Variants in CDH13 observed in about 807,000 individuals in gnomAD.
CDH13 encodes cadherin 13.
In CDH13, 24 loss-of-function variants were observed where a neutral mutation model predicts 63.8. The ratio of observed to expected loss-of-function variants is 0.38; its 90% CI spans 0.27 to 0.53. The LOEUF (loss-of-function observed/expected upper bound fraction) is 0.53, where lower values mean the gene tolerates loss of function less well. CDH13 is among the 20% of genes least tolerant of loss of function. CDH13 has a pLI of 0.85. For missense variants in CDH13, 1,049 were observed against 903.1 expected (o/e 1.16, Z -2.07); for synonymous variants, 503 against 355.3 (o/e 1.42, Z -4.67).
At chr16:82,981,751 A>T (rs1286640910) in intron 2 of CDH13, among the ~76,000 whole-genome samples, 5 of 152,322 alleles carry the variant, frequency 3.3e-5, no homozygotes, top group Admixed American at 1.3e-4. Context: ...GCTCACATTC[A>T]GCCTTTGCTG....
intron 1 of CDH13, among the ~76,000 whole-genome samples, chr16:82,803,708 G>A (rs910864300): frequency 2.0e-5 from 3 of 152,168 alleles, no homozygotes; most frequent in African/African-American, 7.2e-5. Context: ...TATGCTAAGT[G>A]AAATAAGACA....
At chr16:83,233,883 C>T (rs892786080) in intron 5 of CDH13, among the ~76,000 whole-genome samples, 4 of 152,152 alleles carry the variant, frequency 2.6e-5, no homozygotes, top group African/African-American at 9.7e-5. Context: ...TTCTACCTAC[C>T]ACCACACTCC....
In CDH13 at chr16:83,595,770, C is replaced by G. The variant is rs921986794; in HGVS notation, c.961-6684C>G. On this transcript the variant is annotated intron_variant, in intron 7 of 13. Coordinates refer to ENST00000567109, the MANE Select transcript of CDH13 (RefSeq NM_001257.5). Reference sequence around the variant, plus strand: ...GGACGCCTGAGCTGTACAGTCTAGCCCTATGCCCCTGGAACCCAAGGAAAT... The same window carrying G: ...GGACGCCTGAGCTGTACAGTCTAGCGCTATGCCCCTGGAACCCAAGGAAAT... Among the ~76,000 whole-genome samples the G allele has an allele frequency of 5.0e-4, 76 of 152,306 alleles. 1 individual carries two copies. Among genetic ancestry groups the G allele is most frequent in the African/African-American group, 1.8e-3 (74 of 41,566 alleles).
intron 1 of CDH13, among the ~76,000 whole-genome samples, chr16:82,650,024 C>T (rs955992987): frequency 7.9e-5 from 12 of 152,056 alleles, no homozygotes; most frequent in Non-Finnish European, 1.6e-4. Context: ...GGGCAACAAC[C>T]CAAAGCTATA....
chr16:83,789,574 C>A lies in CDH13; in HGVS notation c.2135-5449C>A, dbSNP rs182516195. Among the ~76,000 whole-genome samples, 702 of 152,216 alleles carry A rather than the reference C, an allele frequency of 4.6e-3. 2 individuals carry two copies. The highest frequency in any genetic ancestry group is 0.014 in the Middle Eastern group (4 of 294). On this transcript the variant is annotated intron_variant, in intron 13 of 13. Coordinates refer to ENST00000567109, the MANE Select transcript of CDH13 (RefSeq NM_001257.5). ...ATGTTGGCCAGGCTGGTCTGAAACT[C>A]CTGACCTCAAGTGATCCACCCACCT...
At chr16:83,120,161 C>A (rs189244563) in intron 3 of CDH13, among the ~76,000 whole-genome samples, 1 of 152,088 alleles carries the variant, frequency 6.6e-6, no homozygotes, top group Non-Finnish European at 1.5e-5. Context: ...CTGTTTTTCC[C>A]GAATCAGAGC....
intron 8 of CDH13, among the ~76,000 whole-genome samples, chr16:83,634,308 C>T (rs1911064410): frequency 6.6e-6 from 1 of 152,116 alleles, no homozygotes; most frequent in Admixed American, 6.5e-5. Context: ...GGCTTCTCCC[C>T]TGGCAATTAT....
intron 7 of CDH13, among the ~76,000 whole-genome samples, chr16:83,593,130 G>A (rs893236736): frequency 6.6e-5 from 10 of 152,276 alleles, no homozygotes; most frequent in African/African-American, 1.4e-4. Context: ...CAGCCAGCCC[G>A]GGGAAGAATG....
intron 5 of CDH13, among the ~76,000 whole-genome samples, chr16:83,337,363 T>A (rs1171483150): frequency 6.6e-6 from 1 of 152,106 alleles, no homozygotes; most frequent in Non-Finnish European, 1.5e-5. Flanking sequence ...TCCTGTGGTT[T>A]TTCTTTAGCT....
intron 1 of CDH13, among the ~76,000 whole-genome samples, chr16:82,635,938 C>A (rs1216277572): frequency 6.6e-6 from 1 of 152,082 alleles, no homozygotes; most frequent in Non-Finnish European, 1.5e-5. Flanking sequence ...GACGTGCCTC[C>A]TTCGCCTTCC....
intron 1 of CDH13, among the ~76,000 whole-genome samples, chr16:82,765,773 A>G (rs987652191): frequency 1.3e-5 from 2 of 152,150 alleles, no homozygotes; most frequent in Non-Finnish European, 2.9e-5. Flanking sequence ...GGCCCGGGGA[A>G]GAGAGTGGGA....
At chr16:83,392,103 G>A (rs11643852) in intron 6 of CDH13, among the ~76,000 whole-genome samples, 1,702 of 152,088 alleles carry the variant, frequency 0.011, 37 homozygotes, top group Non-Finnish European at 0.011. Context: ...CTCGCACTTC[G>A]AAAGCACACC....
At chr16:83,303,403 G>A (rs1391684920) in intron 5 of CDH13, among the ~76,000 whole-genome samples, 1 of 152,170 alleles carries the variant, frequency 6.6e-6, no homozygotes, top group Non-Finnish European at 1.5e-5. Flanking sequence ...CAATTTGAAG[G>A]GGAGTAAATA....
At chr16:83,045,753 C>G (rs990302240) in intron 3 of CDH13, among the ~76,000 whole-genome samples, 4 of 151,458 alleles carry the variant, frequency 2.6e-5, no homozygotes, top group Non-Finnish European at 5.9e-5. Context: ...ATTTGATTCT[C>G]TGTTCTCAAC....
intron 8 of CDH13, among the ~76,000 whole-genome samples, chr16:83,634,020 A>G (rs955917717): frequency 6.6e-6 from 1 of 152,148 alleles, no homozygotes; most frequent in Non-Finnish European, 1.5e-5. Flanking sequence ...AACATCGCCT[A>G]TAACTGTAGT....
At chr16:83,502,479 C>T (rs1203669823) in intron 7 of CDH13, among the ~76,000 whole-genome samples, 4 of 152,148 alleles carry the variant, frequency 2.6e-5, no homozygotes, top group African/African-American at 9.7e-5. Flanking sequence ...ACTTTGGACT[C>T]CTGTCCTGAA....
intron 3 of CDH13, among the ~76,000 whole-genome samples, chr16:83,093,354 G>T: frequency 9.6e-6 from 1 of 104,000 alleles, no homozygotes; most frequent in Non-Finnish European, 1.8e-5. Flanking sequence ...TTCGTCTTTT[G>T]CCCCGGCTGG....
At chr16:83,348,056 G>C (rs1308252166) in intron 6 of CDH13, among the ~76,000 whole-genome samples, 1 of 152,144 alleles carries the variant, frequency 6.6e-6, no homozygotes, top group Non-Finnish European at 1.5e-5. Context: ...CGGGTGCGGT[G>C]GTGGGTGCCT....
intron 5 of CDH13, among the ~76,000 whole-genome samples, chr16:83,244,851 C>T (rs1212262480): frequency 1.3e-5 from 2 of 152,174 alleles, no homozygotes; most frequent in Non-Finnish European, 1.5e-5. Context: ...GACTTACTGC[C>T]CAGAGTTTTT....
Sources: gnomAD v4.1 joint callset for allele counts (sites outside exome capture counted in the v4.1 genomes callset) on GRCh38, gnomAD v4.1.1 for gene constraint, MANE v1.5 for transcripts, NCBI Gene and HGNC (gene_info 2026-07-23, HGNC 2026-07-21) for gene names.